Variants in PHF21A observed in about 807,000 individuals in gnomAD.
PHF21A encodes BHC80a.
PHF21A carries 11 observed loss-of-function variants against 82.5 expected under a neutral mutation model. The ratio of observed to expected loss-of-function variants is 0.13; its 90% CI spans 0.08 to 0.22. PHF21A has a LOEUF of 0.22. Ranked by LOEUF, PHF21A falls within the 10% of genes least tolerant of loss-of-function variation. The pLI, the probability that PHF21A is intolerant of heterozygous loss-of-function variation, is 1.00. For missense variants in PHF21A, 579 were observed against 837.8 expected (o/e 0.69, Z 3.81); for synonymous variants, 297 against 302.8 (o/e 0.98, Z 0.20).
chr11:46,083,485 C>T (rs1207559411), intron 4 of PHF21A: 2 of 152,138 alleles, frequency 1.3e-5, no homozygotes, highest in South Asian at 2.1e-4. Flanking sequence ...TCCTTCTCTC[C>T]GCTCCCATAT....
chr11:46,030,277 C>A (rs1416555766), intron 6 of PHF21A, among the ~76,000 whole-genome samples: 1 of 152,210 alleles, frequency 6.6e-6, no homozygotes, highest in Non-Finnish European at 1.5e-5. Flanking sequence ...GGTGTCAAGA[C>A]AATATAAAAT....
intron 2 of PHF21A, among the ~76,000 whole-genome samples, chr11:46,091,408 G>A (rs1349501470): frequency 6.6e-6 from 1 of 151,990 alleles, no homozygotes; most frequent in East Asian, 1.9e-4. Context: ...GAATGATGAA[G>A]AGCCATTAAA....
At chr11:45,991,745 A>C (rs1440819176) in intron 6 of PHF21A, among the ~76,000 whole-genome samples, 3 of 152,308 alleles carry the variant, frequency 2.0e-5, no homozygotes, top group East Asian at 3.9e-4. Flanking sequence ...TTCTGCACTC[A>C]ATCTCTAAAT....
intron 6 of PHF21A, among the ~76,000 whole-genome samples, chr11:45,981,522 G>T (rs1418152726): frequency 1.3e-5 from 2 of 151,974 alleles, no homozygotes; most frequent in African/African-American, 4.8e-5. Context: ...ACTATTTGGG[G>T]CCATATTTGG....
At chr11:46,042,395 G>A (rs768789850) in intron 6 of PHF21A, among the ~76,000 whole-genome samples, 4 of 152,232 alleles carry the variant, frequency 2.6e-5, no homozygotes, top group Admixed American at 1.3e-4. Context: ...GTGCAACTCC[G>A]GAAAGTTCAT....
intron 6 of PHF21A, among the ~76,000 whole-genome samples, chr11:46,070,533 G>A (rs1284854192): frequency 6.6e-6 from 1 of 152,146 alleles, no homozygotes; most frequent in Non-Finnish European, 1.5e-5. Flanking sequence ...GTTTCGCCAT[G>A]TTGGCCAGGC....
At chr11:45,995,008 T>C (rs1021552407) in intron 6 of PHF21A, among the ~76,000 whole-genome samples, 1 of 152,246 alleles carries the variant, frequency 6.6e-6, no homozygotes, top group African/African-American at 2.4e-5. Flanking sequence ...CTGTGCTATA[T>C]GCAGACCTGG....
At chr11:46,111,192 G>A (rs2097209786) in intron 1 of PHF21A, among the ~76,000 whole-genome samples, 1 of 151,368 alleles carries the variant, frequency 6.6e-6, no homozygotes, top group South Asian at 2.1e-4. Flanking sequence ...TCTTGGGCCA[G>A]GCGTGGTGGC....
Position 46,055,141 on chromosome 11 carries a change from C to T in PHF21A, c.153+21613G>A, listed in dbSNP as rs1471791139. Among the ~76,000 whole-genome samples, 3 of 152,204 alleles carry T rather than the reference C, an allele frequency of 2.0e-5. No homozygotes were observed. In the East Asian group the frequency reaches 5.8e-4, roughly 29 times the overall value. On this transcript the variant is annotated intron_variant, in intron 6 of 18. Transcript: ENST00000676320. Reference sequence around the variant, plus strand: ...TAAATTATGGCGAGAACTTAAGATACTTTGAAGCAATCTGAATGTAGAATC... The same window carrying T: ...TAAATTATGGCGAGAACTTAAGATATTTTGAAGCAATCTGAATGTAGAATC...
intron 10 of PHF21A, among the ~76,000 whole-genome samples, chr11:45,961,572 T>G (rs755355368): frequency 6.6e-6 from 1 of 152,234 alleles, no homozygotes; most frequent in Non-Finnish European, 1.5e-5. Context: ...AAAATATTTA[T>G]GGTAACGTGG....
At chr11:45,955,183 T>A (rs1008513649) in intron 10 of PHF21A, among the ~76,000 whole-genome samples, 10 of 152,176 alleles carry the variant, frequency 6.6e-5, no homozygotes, top group African/African-American at 2.4e-4. Context: ...TTGTGCCTAT[T>A]ATGGTACTTC....
chr11:46,018,671 A>T (rs1037339669), intron 6 of PHF21A, among the ~76,000 whole-genome samples: 1 of 152,236 alleles, frequency 6.6e-6, no homozygotes, highest in Non-Finnish European at 1.5e-5. Context: ...GGCAAAAGAT[A>T]ATTTGGTAAA....
At chr11:46,054,617 A>G (rs1342491460) in intron 6 of PHF21A, among the ~76,000 whole-genome samples, 15 of 152,192 alleles carry the variant, frequency 9.9e-5, no homozygotes, top group Non-Finnish European at 1.6e-4. Context: ...TGGCCTTCAA[A>G]TCAAAGACTA....
rs144203123 is a variant in PHF21A, at chr11:45,988,047, T to C, written c.154-8081A>G. On this transcript the variant is annotated intron_variant, in intron 6 of 18. Transcript: ENST00000676320. ...ATTTAAGTACAGTGATGATGCTAAA[T>C]TGGAGGAGGGGAAAGGAGGAACAAA... 4.1e-3 allele frequency among the ~76,000 whole-genome samples: 630 copies of C among 152,246 alleles called. 5 individuals are homozygous for C. Among genetic ancestry groups the C allele is most frequent in the Non-Finnish European group, 6.2e-3 (421 of 68,012 alleles).
intron 6 of PHF21A, among the ~76,000 whole-genome samples, chr11:46,058,003 C>T (rs1027524751): frequency 1.6e-4 from 24 of 152,170 alleles, no homozygotes; most frequent in African/African-American, 5.1e-4. Flanking sequence ...ACTTTGCAAA[C>T]GTTTTTCCGT....
intron 6 of PHF21A, among the ~76,000 whole-genome samples, chr11:46,043,017 T>C (rs1348373788): frequency 6.6e-6 from 1 of 152,148 alleles, no homozygotes; most frequent in Non-Finnish European, 1.5e-5. Context: ...CTAGAATTCC[T>C]ATTATTACTC....
chr11:46,117,717 A>G (rs1248710271), intron 1 of PHF21A, among the ~76,000 whole-genome samples: 1 of 152,242 alleles, frequency 6.6e-6, no homozygotes, highest in East Asian at 1.9e-4. Flanking sequence ...ACAATTACAA[A>G]TAATTTTTTA....
intron 6 of PHF21A, among the ~76,000 whole-genome samples, chr11:46,023,179 G>T (rs1430084040): frequency 3.9e-5 from 6 of 152,156 alleles, no homozygotes; most frequent in Non-Finnish European, 8.8e-5. Context: ...TGTATTATTT[G>T]GTCTGTGAAA....
At chr11:46,081,890 T>C (rs577708274) in intron 4 of PHF21A, among the ~76,000 whole-genome samples, 2 of 152,172 alleles carry the variant, frequency 1.3e-5, no homozygotes, top group Non-Finnish European at 1.5e-5. Context: ...AAACCATAAA[T>C]TACCCACAAA....
Sources: gnomAD v4.1 joint callset for allele counts (sites outside exome capture counted in the v4.1 genomes callset) on GRCh38, gnomAD v4.1.1 for gene constraint, MANE v1.5 for transcripts, NCBI Gene and HGNC (gene_info 2026-07-23, HGNC 2026-07-21) for gene names.